CFAP58: variants seen among roughly 807,000 people sequenced by gnomAD.
CFAP58 encodes cilia- and flagella-associated protein 58.
Under a neutral mutation model 119.5 loss-of-function variants are expected in CFAP58, and 88 were observed. The observed-to-expected ratio is 0.74, with a 90% CI of 0.62 to 0.88. The LOEUF (loss-of-function observed/expected upper bound fraction) is 0.88, where lower values mean the gene tolerates loss of function less well. Among genes scored for constraint, CFAP58 ranks in the 40% least tolerant of loss-of-function variants. The probability of loss-of-function intolerance (pLI) is 0.00; values close to 1 mark genes in which losing one functional copy is unlikely to be tolerated. For missense variants in CFAP58, 990 were observed against 1,021.2 expected (o/e 0.97, Z 0.42); for synonymous variants, 365 against 366.3 (o/e 1.00, Z 0.04).
chr10:104,431,066 T>C (rs535536915), intron 15 of CFAP58, among the ~76,000 whole-genome samples: 2 of 152,230 alleles, frequency 1.3e-5, no homozygotes, highest in Non-Finnish European at 2.9e-5. Flanking sequence ...GTTTGGCTAC[T>C]AGGTTCTTTC....
At position 104,368,108 on chromosome 10, in the gene CFAP58, T is replaced by C. The variant is rs574770983; in HGVS notation, c.793-315T>C. On this transcript the variant is annotated intron_variant, in intron 5 of 17. Coordinates refer to ENST00000369704, the MANE Select transcript of CFAP58 (RefSeq NM_001008723.2). ...CAATGATTATAGCAATTGTTGCATA[T>C]GCGAAGCCTGCCAAATGGCAAACAG... 6.0e-4 allele frequency among the ~76,000 whole-genome samples: 92 copies of C among 152,400 alleles called. 1 individual carries two copies. Among genetic ancestry groups the C allele is most frequent in the African/African-American group, 2.2e-3 (90 of 41,598 alleles).
chr10:104,393,583 C>T, intron 11 of CFAP58, 108 bp downstream of exon 11: 3 of 1,075,016 alleles, frequency 2.8e-6, no homozygotes, highest in Non-Finnish European at 4.0e-6. Context: ...CCACGCCTGC[C>T]TGTGGTCACA....
At chr10:104,352,047 T>A (rs908944420), upstream of CFAP58, 1 of 152,152 alleles carries the variant, frequency 6.6e-6, no homozygotes, top group Non-Finnish European at 1.5e-5. Flanking sequence ...GGTCAAAAAA[T>A]TCACTAGTAG....
At chr10:104,373,113 A>C (rs2014845778) in intron 7 of CFAP58, among the ~76,000 whole-genome samples, 1 of 152,150 alleles carries the variant, frequency 6.6e-6, no homozygotes, top group African/African-American at 2.4e-5. Flanking sequence ...TAATGGAAAA[A>C]ATTCTCTTCA....
rs571797542 is a variant in CFAP58 at position 104,433,564 on chromosome 10, T to G, written c.2257-14134T>G. 1.2e-4 allele frequency among the ~76,000 whole-genome samples: 19 copies of G among 152,198 alleles called. No homozygotes were observed. In the South Asian group the frequency reaches 3.9e-3, roughly 32 times the overall value. On this transcript the variant is annotated intron_variant, in intron 15 of 17. Coordinates refer to ENST00000369704, the MANE Select transcript of CFAP58 (RefSeq NM_001008723.2). Reference sequence around the variant, plus strand: ...TGCTCAGATCAGGGAGTGACAGTGATTTTGTGTGATGGCATATAGGGAACA... The same window carrying G: ...TGCTCAGATCAGGGAGTGACAGTGAGTTTGTGTGATGGCATATAGGGAACA...
intron 14 of CFAP58, among the ~76,000 whole-genome samples, chr10:104,405,564 G>C (rs1351606999): frequency 6.6e-6 from 1 of 152,176 alleles, no homozygotes; most frequent in Admixed American, 6.5e-5. Flanking sequence ...AAGTGTAGAG[G>C]ACACATTACC....
intron 7 of CFAP58, among the ~76,000 whole-genome samples, chr10:104,374,815 A>C (rs1283500875): frequency 6.6e-6 from 1 of 151,444 alleles, no homozygotes; most frequent in Admixed American, 6.6e-5. Flanking sequence ...AATATGAATA[A>C]GAACTTTCAC....
intron 15 of CFAP58, among the ~76,000 whole-genome samples, chr10:104,439,828 T>C (rs566093027): frequency 5.6e-4 from 83 of 147,112 alleles, no homozygotes; most frequent in African/African-American, 2.1e-3. Flanking sequence ...TGATTTACTA[T>C]TTTTTTTTTG....
intron 15 of CFAP58, among the ~76,000 whole-genome samples, chr10:104,407,445 C>A (rs201446198): frequency 3.5e-4 from 54 of 152,130 alleles, no homozygotes; most frequent in Non-Finnish European, 7.5e-4. Flanking sequence ...AGGAAGTCAG[C>A]GCCCACGAGT....
intron 9 of CFAP58, among the ~76,000 whole-genome samples, chr10:104,386,065 T>C (rs2011915857): frequency 2.0e-5 from 3 of 147,102 alleles, no homozygotes; most frequent in African/African-American, 7.4e-5. Flanking sequence ...TTTTTTGCTT[T>C]TTTTTTTTTT....
At chr10:104,376,766 G>A (rs1022086976) in intron 7 of CFAP58, 45 bp from the exon 8 acceptor site, 1 of 1,487,696 alleles carries the variant, frequency 6.7e-7, no homozygotes, top group South Asian at 1.1e-5. Flanking sequence ...GATTCTCTTA[G>A]GTCGACTCTA....
intron 15 of CFAP58, among the ~76,000 whole-genome samples, chr10:104,435,294 C>T (rs955375494): frequency 6.6e-6 from 1 of 152,222 alleles, no homozygotes; most frequent in Admixed American, 6.5e-5. Context: ...CCAGCCTGGC[C>T]AGCATGGCAA....
chr10:104,417,490 G>A (rs1032689381), intron 15 of CFAP58, among the ~76,000 whole-genome samples: 2 of 152,164 alleles, frequency 1.3e-5, no homozygotes, highest in African/African-American at 2.4e-5. Context: ...ACAACTGAAT[G>A]CAACCAGAAT....
At chr10:104,399,175 AGTGTGTGT>A (rs35611566) in intron 11 of CFAP58, among the ~76,000 whole-genome samples, 177 bp from the exon 12 acceptor site, 3 of 149,000 alleles carry the variant, frequency 2.0e-5, no homozygotes, top group South Asian at 2.1e-4. Flanking sequence ...TTTCTTTATG[AGTGTGTGT>A]GTGTGTGTGT....
chr10:104,414,476 A>G (rs1489542390), intron 15 of CFAP58, among the ~76,000 whole-genome samples: 1 of 151,466 alleles, frequency 6.6e-6, no homozygotes, highest in African/African-American at 2.4e-5. Context: ...GGGAGGGAGG[A>G]GAAGGTTCAG....
chr10:104,376,955 T>C (rs1589914348), intron 8 of CFAP58, 62 bp downstream of exon 8: 2 of 1,300,282 alleles, frequency 1.5e-6, no homozygotes, highest in East Asian at 4.7e-5. Flanking sequence ...AATATCTGGC[T>C]ATAGCCAGTT....
At chr10:104,390,171 A>C (rs1368621662) in intron 9 of CFAP58, among the ~76,000 whole-genome samples, 6 of 152,222 alleles carry the variant, frequency 3.9e-5, no homozygotes, top group Non-Finnish European at 7.4e-5. Flanking sequence ...GAGAATACAC[A>C]TACAAAAATG....
intron 11 of CFAP58, 91 bp downstream of exon 11, chr10:104,393,566 A>G: frequency 7.8e-7 from 1 of 1,284,126 alleles, no homozygotes; most frequent in South Asian, 1.5e-5. Flanking sequence ...AGGGGCAGGG[A>G]GAACAACCAC....
At chr10:104,384,844 G>A (rs2011889991) in intron 9 of CFAP58, among the ~76,000 whole-genome samples, 1 of 152,148 alleles carries the variant, frequency 6.6e-6, no homozygotes, top group African/African-American at 2.4e-5. Context: ...AACAGGAAGT[G>A]GGAAAGGAGG....
Sources: allele counts gnomAD v4.1 joint callset (sites outside exome capture counted in the v4.1 genomes callset), GRCh38; gene constraint gnomAD v4.1.1; transcripts MANE v1.5; gene names NCBI Gene and HGNC (gene_info 2026-07-23, HGNC 2026-07-21).